RBM47: variants seen among roughly 807,000 people sequenced by gnomAD.
RBM47 encodes the protein RNA-binding protein 47.
A neutral mutation model predicts 47.1 loss-of-function variants in RBM47; 21 were observed. That is an observed-to-expected ratio of 0.45 (90% CI 0.32 to 0.64). The LOEUF (loss-of-function observed/expected upper bound fraction) is 0.64. Ranked by LOEUF, RBM47 falls within the 30% of genes least tolerant of loss-of-function variation. RBM47 has a pLI of 0.05. For synonymous variants in RBM47, 375 were observed against 361.7 expected (o/e 1.04, Z -0.42); for missense variants, 708 against 870.9 (o/e 0.81, Z 2.35).
At chr4:40,551,683 C>T (rs1729578221) in intron 1 of RBM47, among the ~76,000 whole-genome samples, 1 of 147,550 alleles carries the variant, frequency 6.8e-6, no homozygotes, top group South Asian at 2.1e-4. Context: ...GAGTCTCGCT[C>T]TCTTGCCCAG....
chr4:40,470,511 G>A (rs755145684), intron 2 of RBM47, among the ~76,000 whole-genome samples: 18 of 152,086 alleles, frequency 1.2e-4, no homozygotes, highest in Admixed American at 2.6e-4. Context: ...GTGTCTTGAC[G>A]TGTCGTATGT....
chr4:40,587,198 G>A (rs1194437932), intron 1 of RBM47, among the ~76,000 whole-genome samples: 5 of 152,192 alleles, frequency 3.3e-5, no homozygotes, highest in South Asian at 2.1e-4. Flanking sequence ...AGAGACAAGC[G>A]GGGGAAAACG....
At chr4:40,583,689 T>TCCAGG (rs1733227018) in intron 1 of RBM47, among the ~76,000 whole-genome samples, 1 of 150,802 alleles carries the variant, frequency 6.6e-6, no homozygotes, top group Admixed American at 6.6e-5. Context: ...AAACCCCGTC[T>TCCAGG]CTACTAAAAA....
chr4:40,493,761 G>GA (rs1722208139), intron 2 of RBM47, among the ~76,000 whole-genome samples: 1 of 136,432 alleles, frequency 7.3e-6, no homozygotes, highest in African/African-American at 2.7e-5. Flanking sequence ...GACAGAGTGA[G>GA]ACCCTGTCTC....
chr4:40,532,369 G>C (rs1341533800), intron 2 of RBM47, among the ~76,000 whole-genome samples: 1 of 138,090 alleles, frequency 7.2e-6, no homozygotes, highest in Non-Finnish European at 1.5e-5. Flanking sequence ...TTGGAGTGCA[G>C]TGGCACGATC....
intron 1 of RBM47, among the ~76,000 whole-genome samples, chr4:40,606,054 C>T (rs191959833): frequency 1.8e-4 from 27 of 150,384 alleles, no homozygotes; most frequent in Non-Finnish European, 3.0e-4. Context: ...AAAAAACAGC[C>T]GGGTGTGGTG....
chr4:40,508,764 T>C (rs1015728426), intron 2 of RBM47, among the ~76,000 whole-genome samples: 3 of 152,250 alleles, frequency 2.0e-5, no homozygotes, highest in African/African-American at 7.2e-5. Flanking sequence ...ATCTGGGTGG[T>C]GGTTCCACAG....
intron 2 of RBM47, among the ~76,000 whole-genome samples, chr4:40,509,779 C>G (rs866688241): frequency 1.3e-4 from 19 of 151,870 alleles, no homozygotes; most frequent in Non-Finnish European, 2.5e-4. Context: ...CTAGCTACTG[C>G]GGAGGCTGAG....
intron 2 of RBM47, among the ~76,000 whole-genome samples, chr4:40,479,428 C>A (rs1362355737): frequency 2.0e-5 from 3 of 151,822 alleles, no homozygotes; most frequent in Admixed American, 6.6e-5. Context: ...CATAGTGAGA[C>A]CCCATCTCTA....
chr4:40,570,418 G>A (rs1731594848), intron 1 of RBM47, among the ~76,000 whole-genome samples: 1 of 151,746 alleles, frequency 6.6e-6, no homozygotes, highest in African/African-American at 2.4e-5. Context: ...ACCCCTTTAT[G>A]TGCAGTTCAT....
chr4:40,451,475 C>T (rs1715436874), intron 3 of RBM47, among the ~76,000 whole-genome samples: 1 of 152,166 alleles, frequency 6.6e-6, no homozygotes, highest in South Asian at 2.1e-4. Flanking sequence ...ATTCCGACCC[C>T]GCTGCTACAT....
At chr4:40,518,822 C>G (rs1725887420) in intron 2 of RBM47, among the ~76,000 whole-genome samples, 1 of 151,702 alleles carries the variant, frequency 6.6e-6, no homozygotes, top group African/African-American at 2.4e-5. Flanking sequence ...AAAAAAATCC[C>G]AAAGGAAGCT....
intron 2 of RBM47, among the ~76,000 whole-genome samples, chr4:40,483,264 G>A (rs1720656776): frequency 6.6e-6 from 1 of 152,190 alleles, no homozygotes; most frequent in South Asian, 2.1e-4. Flanking sequence ...TTTTGAATTG[G>A]TTGCAAGAGT....
chr4:40,548,376 G>A (rs1436270156), intron 1 of RBM47, among the ~76,000 whole-genome samples: 1 of 152,196 alleles, frequency 6.6e-6, no homozygotes, highest in Non-Finnish European at 1.5e-5. Flanking sequence ...GCCAAGGCAA[G>A]GAACCAGGAG....
chr4:40,604,664 A>G (rs1735586312), intron 1 of RBM47, among the ~76,000 whole-genome samples: 1 of 152,190 alleles, frequency 6.6e-6, no homozygotes, highest in Admixed American at 6.5e-5. Flanking sequence ...AAGCATGATG[A>G]GTCCAGTCCA....
At chr4:40,551,749 A>C (rs990525638) in intron 1 of RBM47, among the ~76,000 whole-genome samples, 2 of 151,522 alleles carry the variant, frequency 1.3e-5, no homozygotes, top group Non-Finnish European at 2.9e-5. Context: ...CCCGGGTTCA[A>C]GTGATTCTCC....
At chr4:40,569,012 TAGATAGACAGAC>T (rs1438631925) in intron 1 of RBM47, among the ~76,000 whole-genome samples, 3 of 90,638 alleles carry the variant, frequency 3.3e-5, no homozygotes, top group South Asian at 7.1e-4. Context: ...GATAGATAGA[TAGATAGACAGAC>T]AGACAGACAG....
rs1158464642 is a variant in RBM47 at position 40,621,705 on chromosome 4, AATTATCTGTAGGGCATGCGATTCAC to A, written c.-240+7666_-240+7690del. Among the ~76,000 whole-genome samples the A allele has an allele frequency of 3.9e-5, 6 of 152,350 alleles. No individual in the cohort carries two copies. In the East Asian group the frequency reaches 1.2e-3, roughly 29 times the overall value. ...ATAGTAACATAAGTCAGTCAAGTGT[AATTATCTGTAGGGCATGCGATTCAC>A]AAAATGGTTCAAACAGAGGGCTACA... is the stretch of plus-strand genomic sequence containing the variant. On this transcript the variant is annotated intron_variant, in intron 1 of 6. Transcript: ENST00000295971.
chr4:40,552,713 T>G (rs1729678787), intron 1 of RBM47, among the ~76,000 whole-genome samples: 1 of 152,238 alleles, frequency 6.6e-6, no homozygotes, highest in Non-Finnish European at 1.5e-5. Flanking sequence ...ATAGCGTGGC[T>G]TGGCTGTGCT....
Sources: allele counts gnomAD v4.1 joint callset (sites outside exome capture counted in the v4.1 genomes callset), GRCh38; gene constraint gnomAD v4.1.1; transcripts MANE v1.5; gene names NCBI Gene and HGNC (gene_info 2026-07-23, HGNC 2026-07-21).